Variants in ARHGAP23 observed in about 807,000 individuals in gnomAD.
ARHGAP23 encodes the protein rho GTPase-activating protein 23.
ARHGAP23 carries 34 observed loss-of-function variants against 136.3 expected under a neutral mutation model. The ratio of observed to expected loss-of-function variants is 0.25; its 90% confidence interval spans 0.19 to 0.33. The LOEUF (loss-of-function observed/expected upper bound fraction) is 0.33. Ranked by LOEUF, ARHGAP23 falls within the 10% of genes least tolerant of loss-of-function variation. The probability of loss-of-function intolerance (pLI) is 1.00; values close to 1 mark genes in which losing one functional copy is unlikely to be tolerated. For synonymous variants in ARHGAP23, 832 were observed against 920.5 expected (o/e 0.90, Z 1.74); for missense variants, 1,808 against 2,139.0 (o/e 0.85, Z 3.05).
chr17:38,460,987 G>A, intron 3 of ARHGAP23, 55 bp downstream of exon 3: 4 of 1,529,032 alleles, frequency 2.6e-6, no homozygotes. Flanking sequence ...TCCAGCTCCT[G>A]TCTCTCCCTG....
At chr17:38,467,428 G>T (rs574499323) in intron 7 of ARHGAP23, 97 bp downstream of exon 7, 130 of 1,213,648 alleles carry the variant, frequency 1.1e-4, no homozygotes, top group Non-Finnish European at 1.4e-4. Context: ...GGCAGAATTC[G>T]GCTGGGTGCT....
At position 38,489,007 on chromosome 17, in the gene ARHGAP23, C is replaced by G. The variant is rs141351601; in HGVS notation, c.2987-1095C>G. Among the ~76,000 whole-genome samples the G allele has an allele frequency of 8.0e-3, 1,212 of 152,172 alleles. 19 individuals carry two copies. Among genetic ancestry groups the G allele is most frequent in the African/African-American group, 0.027 (1,111 of 41,496 alleles). ...TCTCCTGTCTCAGCCTCCCAAGTAG[C>G]TGGGATTACAGGCGCCTACCACCAT... On this transcript the variant is annotated intron_variant, in intron 17 of 23. Transcript: ENST00000622683.
At chr17:38,419,948 T>C (rs1460306047) in intron 1 of ARHGAP23, among the ~76,000 whole-genome samples, 1 of 152,158 alleles carries the variant, frequency 6.6e-6, no homozygotes, top group African/African-American at 2.4e-5. Flanking sequence ...CAGCAGCTGC[T>C]GCCACCATTT....
chr17:38,474,112 G>A (rs1368321449), intron 11 of ARHGAP23, among the ~76,000 whole-genome samples: 1 of 152,100 alleles, frequency 6.6e-6, no homozygotes, highest in African/African-American at 2.4e-5. Flanking sequence ...GTAGAGACTG[G>A]GTTTCACTAT....
At chr17:38,499,193 G>A (rs2040465003) in intron 22 of ARHGAP23, among the ~76,000 whole-genome samples, 1 of 152,222 alleles carries the variant, frequency 6.6e-6, no homozygotes, top group African/African-American at 2.4e-5. Context: ...CTGGACACCT[G>A]GGCATCGAAT....
At chr17:38,437,183 G>A (rs980256485) in intron 1 of ARHGAP23, among the ~76,000 whole-genome samples, 6 of 150,944 alleles carry the variant, frequency 4.0e-5, no homozygotes, top group African/African-American at 7.3e-5. Flanking sequence ...GGGAAGCTTC[G>A]ACAGGAGGAT....
chr17:38,495,228 CT>C (rs11295890), intron 20 of ARHGAP23, among the ~76,000 whole-genome samples: 30,648 of 133,716 alleles, frequency 0.23, 3,849 homozygotes, highest in African/African-American at 0.37. Context: ...TTTTCTTTTT[CT>C]TTTTTTTTTT....
At chr17:38,464,792 C>T (rs1404914951) in intron 6 of ARHGAP23, among the ~76,000 whole-genome samples, 1 of 152,178 alleles carries the variant, frequency 6.6e-6, no homozygotes, top group Non-Finnish European at 1.5e-5. Flanking sequence ...GGGCTGGCAG[C>T]GCCAGATGAC....
intron 12 of ARHGAP23, among the ~76,000 whole-genome samples, chr17:38,479,169 G>C (rs887820751): frequency 6.6e-6 from 1 of 152,178 alleles, no homozygotes; most frequent in East Asian, 1.9e-4. Context: ...GGCGAGTGCT[G>C]CATGATTCTG....
chr17:38,419,287 T>G (rs1436325432), exon 1 of ARHGAP23: 1 of 149,678 alleles, frequency 6.7e-6, no homozygotes, highest in Non-Finnish European at 1.5e-5. Flanking sequence ...TACTTGCGCT[T>G]GGCGGTCGCC....
intron 2 of ARHGAP23, among the ~76,000 whole-genome samples, chr17:38,459,696 G>T (rs2039413562): frequency 6.6e-6 from 1 of 152,236 alleles, no homozygotes; most frequent in African/African-American, 2.4e-5. Flanking sequence ...CCTGCCCAGG[G>T]CTGGGAGGGG....
intron 1 of ARHGAP23, among the ~76,000 whole-genome samples, chr17:38,438,521 TCCCG>T (rs1567776059): frequency 1.3e-5 from 2 of 151,898 alleles, no homozygotes; most frequent in Admixed American, 1.3e-4. Context: ...TGAGACCAGA[TCCCG>T]CCCCTTCCCT....
chr17:38,449,385 T>C (rs530845760), intron 1 of ARHGAP23, among the ~76,000 whole-genome samples: 12 of 152,138 alleles, frequency 7.9e-5, no homozygotes. Flanking sequence ...AGGTTCCCGG[T>C]GATGGGGGTT....
At chr17:38,461,964 T>C (rs529744515) in intron 3 of ARHGAP23, among the ~76,000 whole-genome samples, 6 of 152,236 alleles carry the variant, frequency 3.9e-5, no homozygotes, top group African/African-American at 2.4e-5. Context: ...TCCTTTTTTT[T>C]TCTTTTGAGA....
Position 38,491,457 on chromosome 17 carries a change from G to C in ARHGAP23, c.3201G>C (p.Thr1067=). 1 of 1,549,640 alleles carries C rather than the reference G, an allele frequency of 6.5e-7. No homozygotes were observed. The highest frequency in any genetic ancestry group is 1.2e-5 in the South Asian group (1 of 83,972). Residue 1067 remains threonine (T), a synonymous_variant, in exon 20 of 24, where the codon ACG becomes ACC. Coordinates refer to ENST00000622683, the MANE Select transcript of ARHGAP23 (RefSeq NM_001199417.2). ...TCTTTGGGCCGACACTGGTGAGGAC[G>C]TCTGAGGACAACATGACAGACATGG... The part of the protein sequence containing the change: ...ALVFGPTLVR[T]SEDNMTDMVT...
Position 38,482,801 on chromosome 17 carries a change from G to A in ARHGAP23, c.2907+123G>A, listed in dbSNP as rs528849442. On this transcript the variant is annotated intron_variant, in intron 16 of 23. Coordinates refer to ENST00000622683, the MANE Select transcript of ARHGAP23 (RefSeq NM_001199417.2). ...GTGCCCTATGACATGCCCGGCATTG[G>A]TCCAGAACACCAAGATGGGCAAGAT... The A allele has an allele frequency of 2.5e-6, 3 of 1,202,096 alleles. No individual in the cohort carries two copies. In the African/African-American group the frequency reaches 4.6e-5, roughly 18 times the overall value. The allele number at this position is 1,202,096 out of a possible 1,614,324, so 74.5% of individuals were successfully genotyped here.
At chr17:38,427,919 C>A (rs559528156), upstream of ARHGAP23, among the ~76,000 whole-genome samples, 1 of 152,274 alleles carries the variant, frequency 6.6e-6, no homozygotes, top group South Asian at 2.1e-4. Context: ...GGCCTCTAAG[C>A]CTTTTTCTGT....
At chr17:38,440,414 A>G (rs2038895292) in intron 1 of ARHGAP23, among the ~76,000 whole-genome samples, 1 of 152,170 alleles carries the variant, frequency 6.6e-6, no homozygotes, top group African/African-American at 2.4e-5. Context: ...TGCTTTTGTT[A>G]GTTTTTGAAA....
At chr17:38,498,072 C>G (rs1266398251) in intron 21 of ARHGAP23, among the ~76,000 whole-genome samples, 1 of 103,998 alleles carries the variant, frequency 9.6e-6, no homozygotes, top group East Asian at 2.5e-4. Flanking sequence ...CAGAGGGAAC[C>G]CAGTTCAGGA....
Sources: allele counts gnomAD v4.1 joint callset (sites outside exome capture counted in the v4.1 genomes callset), GRCh38; gene constraint gnomAD v4.1.1; transcripts MANE v1.5; gene names NCBI Gene and HGNC (gene_info 2026-07-23, HGNC 2026-07-21).